The following NDST4 variants were observed in gnomAD, a reference collection of about 807,000 sequenced individuals.
NDST4 encodes the protein N-heparan sulfate sulfotransferase 4.
A neutral mutation model predicts 100.8 loss-of-function variants in NDST4; 63 were observed. That is an observed-to-expected ratio of 0.62 (90% CI 0.51 to 0.77). The LOEUF (loss-of-function observed/expected upper bound fraction) is 0.77. NDST4 is among the 30% of genes least tolerant of loss of function. The probability of loss-of-function intolerance (pLI) is 0.00; values close to 1 mark genes in which losing one functional copy is unlikely to be tolerated. For synonymous variants in NDST4, 377 were observed against 361.8 expected (o/e 1.04, Z -0.48); for missense variants, 943 against 1,018.4 (o/e 0.93, Z 1.01).
intron 2 of NDST4, among the ~76,000 whole-genome samples, chr4:115,039,652 C>T (rs1292815210): frequency 1.3e-5 from 2 of 152,036 alleles, no homozygotes; most frequent in African/African-American, 4.8e-5. Context: ...TAAATGTACA[C>T]CATGTCCCAT....
intron 4 of NDST4, among the ~76,000 whole-genome samples, chr4:114,944,543 C>T (rs1181128406): frequency 2.6e-5 from 4 of 152,156 alleles, no homozygotes; most frequent in Non-Finnish European, 1.5e-5. Flanking sequence ...TCATTATCAC[C>T]TCTAATCTTC....
chr4:114,871,667 C>T (rs72679782), intron 6 of NDST4, among the ~76,000 whole-genome samples: 11,533 of 151,888 alleles, frequency 0.076, 502 homozygotes, highest in East Asian at 0.13. Flanking sequence ...TTAAAAAATA[C>T]TAAATAAAAG....
chr4:114,829,213 A>G (rs1187849625), intron 13 of NDST4, among the ~76,000 whole-genome samples: 2 of 152,080 alleles, frequency 1.3e-5, no homozygotes, highest in Non-Finnish European at 2.9e-5. Context: ...AGCCTGTTCT[A>G]CCAGATAAGA....
At chr4:115,063,332 T>C (rs1728863429) in intron 2 of NDST4, among the ~76,000 whole-genome samples, 1 of 151,958 alleles carries the variant, frequency 6.6e-6, no homozygotes, top group Non-Finnish European at 1.5e-5. Context: ...TGAATAATGA[T>C]GAGTTGAATA....
intron 4 of NDST4, among the ~76,000 whole-genome samples, chr4:114,969,321 GAAAAAAAA>G (rs70964334): frequency 1.1e-5 from 1 of 90,720 alleles, no homozygotes; most frequent in African/African-American, 4.1e-5. Flanking sequence ...CTCAAAAAAA[GAAAAAAAA>G]AAAAAAAAAA....
intron 2 of NDST4, among the ~76,000 whole-genome samples, chr4:115,004,140 G>T (rs138693949): frequency 6.6e-6 from 1 of 151,934 alleles, no homozygotes; most frequent in Non-Finnish European, 1.5e-5. Flanking sequence ...CTAAGCCTTT[G>T]TTTATTTTAA....
At chr4:115,038,827 T>C (rs530330605) in intron 2 of NDST4, among the ~76,000 whole-genome samples, 2 of 152,126 alleles carry the variant, frequency 1.3e-5, no homozygotes, top group East Asian at 1.9e-4. Context: ...AATACAAAAA[T>C]TAATCAAGTG....
chr4:114,977,264 T>A lies in NDST4; in HGVS notation c.989A>T (p.Glu330Val), dbSNP rs1270812698. Reference protein sequence around the residue: ...MNVKDVKALLETQNLLRTQVA... With the variant: ...MNVKDVKALLVTQNLLRTQVA... ...CTGAGTGCGCAGTAAATTTTGAGTC[T>A]CTAGTAATGCCTGAAATAAATAAGA... The change falls in exon 3 of 14, where the codon GAG (glutamate) becomes GTG (valine). Residue 330 changes from glutamate to valine, a missense_variant. Glu to Val is a moderately radical substitution (Grantham distance 121). Around this residue, in one of 2 missense-constraint regions of NDST4, gnomAD observed 417 missense variants for 384.2 expected, o/e 1.09. Coordinates refer to ENST00000264363, the MANE Select transcript of NDST4 (RefSeq NM_022569.3). 1.9e-6 allele frequency: 3 copies of A among 1,598,780 alleles called. No individual in the cohort carries two copies. The highest frequency in any genetic ancestry group is 2.3e-5 in the South Asian group (2 of 88,620).
chr4:114,870,619 T>C (rs780281053), intron 7 of NDST4, 149 bp downstream of exon 7: 9 of 587,226 alleles, frequency 1.5e-5, no homozygotes, highest in Non-Finnish European at 2.3e-5. Flanking sequence ...GCAAAAATTG[T>C]TGAGGAAGAG....
At chr4:114,947,352 A>G (rs1236275849) in intron 4 of NDST4, among the ~76,000 whole-genome samples, 1 of 152,192 alleles carries the variant, frequency 6.6e-6, no homozygotes, top group East Asian at 1.9e-4. Flanking sequence ...GAGGTTGAAT[A>G]AGGAGGAAAG....
chr4:114,945,741 G>T (rs1389388061), intron 4 of NDST4, among the ~76,000 whole-genome samples: 1 of 152,150 alleles, frequency 6.6e-6, no homozygotes, highest in East Asian at 1.9e-4. Flanking sequence ...TCTCCTTTTA[G>T]TAAGGACTTG....
intron 4 of NDST4, among the ~76,000 whole-genome samples, chr4:114,939,331 G>A (rs976698870): frequency 6.6e-6 from 1 of 152,118 alleles, no homozygotes; most frequent in African/African-American, 2.4e-5. Context: ...AGGTGCTCCT[G>A]ATGTACAGGA....
Position 114,951,230 on chromosome 4 carries a change from T to G in NDST4, c.1222-13727A>C, listed in dbSNP as rs919126548. ...GAACACTTTAATTAATTTTTTCACT[T>G]TTTAAAATACAATTTTTATCATCCA... is the stretch of plus-strand genomic sequence containing the variant. On this transcript the variant is annotated intron_variant, in intron 4 of 13. Coordinates refer to ENST00000264363, the MANE Select transcript of NDST4 (RefSeq NM_022569.3). Among the ~76,000 whole-genome samples the G allele has an allele frequency of 5.3e-5, 8 of 152,094 alleles. No homozygotes were observed. In the East Asian group the frequency reaches 9.6e-4, roughly 18 times the overall value.
chr4:115,019,911 T>C (rs1370794767), intron 2 of NDST4, among the ~76,000 whole-genome samples: 1 of 152,064 alleles, frequency 6.6e-6, no homozygotes, highest in African/African-American at 2.4e-5. Flanking sequence ...TCCAGAATCA[T>C]GAGCCAAATA....
intron 7 of NDST4, among the ~76,000 whole-genome samples, chr4:114,853,172 C>G (rs1183202012): frequency 6.6e-6 from 1 of 152,106 alleles, no homozygotes; most frequent in Non-Finnish European, 1.5e-5. Context: ...TTACTGTGTT[C>G]TCCCTAATCA....
intron 4 of NDST4, among the ~76,000 whole-genome samples, chr4:114,953,931 G>A (rs187951784): frequency 6.6e-6 from 1 of 152,214 alleles, no homozygotes; most frequent in East Asian, 1.9e-4. Context: ...TGTTCTATAT[G>A]CAGTAACAAA....
chr4:114,829,908 C>T lies in NDST4; in HGVS notation c.2397-16G>A, dbSNP rs12648047. The T allele has an allele frequency of 0.057, 89,621 of 1,563,736 alleles. 3,919 individuals are homozygous for T. Among genetic ancestry groups the T allele is most frequent in the African/African-American group, 0.21 (15,557 of 73,408 alleles). ...GGGATCAAACCTACAGTACATAAAA[C>T]ATAATGATTACAAATTGTATGCAGA... On this transcript the variant is annotated splice_polypyrimidine_tract_variant and intron_variant, in intron 12 of 13. Transcript: ENST00000264363.
intron 2 of NDST4, among the ~76,000 whole-genome samples, chr4:115,019,352 G>C (rs1023983967): frequency 6.6e-6 from 1 of 152,022 alleles, no homozygotes; most frequent in African/African-American, 2.4e-5. Context: ...CAGGTGACCT[G>C]ATATATTTTC....
At chr4:115,065,137 C>T (rs959769706) in intron 2 of NDST4, among the ~76,000 whole-genome samples, 4 of 152,030 alleles carry the variant, frequency 2.6e-5, no homozygotes, top group African/African-American at 9.7e-5. Context: ...TCTACTTCTG[C>T]GAGGACTTTC....
Sources: gnomAD v4.1 joint callset for allele counts (sites outside exome capture counted in the v4.1 genomes callset) on GRCh38, gnomAD v4.1.1 for gene constraint, gnomAD v4.1.1 regional missense constraint, MANE v1.5 for transcripts, NCBI Gene and HGNC (gene_info 2026-07-23, HGNC 2026-07-21) for gene names.